TSHR: variants seen among roughly 807,000 people sequenced by gnomAD.
TSHR encodes thyrotropin receptor.
In TSHR, 51 loss-of-function variants were observed where a neutral mutation model predicts 64.1. The observed-to-expected ratio is 0.80, with a 90% confidence interval of 0.64 to 1.01. The LOEUF (loss-of-function observed/expected upper bound fraction) is 1.01. TSHR is among the 50% of genes least tolerant of loss of function. The probability of loss-of-function intolerance (pLI) is 0.00; values close to 1 mark genes in which losing one functional copy is unlikely to be tolerated. For missense variants in TSHR, 877 were observed against 942.8 expected (o/e 0.93, Z 0.91); for synonymous variants, 361 against 361.9 (o/e 1.00, Z 0.03).
intron 1 of TSHR, among the ~76,000 whole-genome samples, chr14:80,986,117 A>G (rs1300214675): frequency 1.3e-5 from 2 of 152,154 alleles, no homozygotes; most frequent in African/African-American, 4.8e-5. Context: ...ATTTCTAGAG[A>G]GTTCAGGTAT....
intron 1 of TSHR, among the ~76,000 whole-genome samples, chr14:81,019,696 G>A (rs749742068): frequency 4.0e-5 from 6 of 151,454 alleles, no homozygotes; most frequent in Admixed American, 2.0e-4. Flanking sequence ...ACTTACGAGT[G>A]AGAACATGCA....
intron 8 of TSHR, among the ~76,000 whole-genome samples, chr14:81,135,604 T>C (rs1325460497): frequency 6.6e-6 from 1 of 152,076 alleles, no homozygotes; most frequent in Non-Finnish European, 1.5e-5. Context: ...CACAATTTCA[T>C]GTTGTTGTAA....
intron 8 of TSHR, among the ~76,000 whole-genome samples, chr14:81,134,600 GC>G (rs1891380904): frequency 6.6e-6 from 1 of 152,102 alleles, no homozygotes; most frequent in Admixed American, 6.5e-5. Flanking sequence ...CTCTCATGAA[GC>G]TAAAATTAAA....
At chr14:81,102,172 A>AG (rs1468677055) in intron 7 of TSHR, among the ~76,000 whole-genome samples, 3 of 143,766 alleles carry the variant, frequency 2.1e-5, no homozygotes, top group South Asian at 2.2e-4. Flanking sequence ...ACTCCATCTC[A>AG]GGGAAAAAAA....
chr14:81,000,720 T>C (rs1465670020), intron 1 of TSHR, among the ~76,000 whole-genome samples: 1 of 152,212 alleles, frequency 6.6e-6, no homozygotes, highest in Non-Finnish European at 1.5e-5. Flanking sequence ...ATCTTCCAGT[T>C]TTGTTTCACT....
chr14:81,074,154 A>G (rs116052163), intron 3 of TSHR, among the ~76,000 whole-genome samples: 2 of 152,206 alleles, frequency 1.3e-5, no homozygotes, highest in South Asian at 2.1e-4. Context: ...AATTAAAAAG[A>G]GAATGAGTTT....
chr14:81,069,106 T>C (rs974031384), intron 3 of TSHR, among the ~76,000 whole-genome samples: 1 of 152,164 alleles, frequency 6.6e-6, no homozygotes, highest in Non-Finnish European at 1.5e-5. Context: ...ACTTAGTATA[T>C]CCTAACATTA....
At chr14:80,966,394 G>T (rs969477321) in intron 1 of TSHR, among the ~76,000 whole-genome samples, 5 of 152,064 alleles carry the variant, frequency 3.3e-5, no homozygotes, top group Non-Finnish European at 7.4e-5. Flanking sequence ...ATGATCCAAA[G>T]ATTTGAGATG....
intron 1 of TSHR, chr14:81,012,116 G>T (rs1889944346): frequency 7.1e-6 from 1 of 139,914 alleles, no homozygotes; most frequent in African/African-American, 2.7e-5. Flanking sequence ...ACAGTCCCCA[G>T]AGTGTGATGT....
At chr14:80,999,158 C>T (rs1417673553) in intron 1 of TSHR, among the ~76,000 whole-genome samples, 2 of 152,152 alleles carry the variant, frequency 1.3e-5, no homozygotes, top group Non-Finnish European at 2.9e-5. Context: ...GTAAGAATCT[C>T]CTATACCTGA....
At chr14:81,058,236 T>C (rs151201924) in intron 1 of TSHR, among the ~76,000 whole-genome samples, 49 of 152,368 alleles carry the variant, frequency 3.2e-4, no homozygotes, top group African/African-American at 1.1e-3. Flanking sequence ...TTCTACATTA[T>C]ATTTTCCTAA....
chr14:81,067,864 G>A lies in TSHR; in HGVS notation c.243-390G>A, dbSNP rs1282682477. Among the ~76,000 whole-genome samples, 10 of 143,938 alleles carry A rather than the reference G, an allele frequency of 6.9e-5. No individual in the cohort carries two copies. In the East Asian group the frequency reaches 8.1e-4, roughly 12 times the overall value. The allele number at this position is 143,938 out of a possible 152,430, so 94.4% of individuals were successfully genotyped here. A position where few individuals can be genotyped will look rare whatever the true frequency, so the allele number is the denominator to read the frequency against. On this transcript the variant is annotated intron_variant, in intron 2 of 9. Coordinates refer to ENST00000298171, the MANE Select transcript of TSHR (RefSeq NM_000369.5). ...TGTCTAGTAACACGGAATTAGACAC[G>A]TAGTTTCAAAGAAGATGAAGAGAAA... is the stretch of plus-strand genomic sequence containing the variant.
At chr14:81,102,266 C>G (rs977143619) in intron 7 of TSHR, among the ~76,000 whole-genome samples, 4 of 152,046 alleles carry the variant, frequency 2.6e-5, no homozygotes, top group African/African-American at 9.7e-5. Context: ...ACGTTCACAC[C>G]AGCTTTCTCC....
rs1891839243 is a variant in TSHR, at chr14:81,144,186, AG to A, written c.2131del (p.Val711PhefsTer18). ...CCAGGCTCAGGCATACCGGGGGCAG[AG>A]GGTTCCTCCAAAGAACAGCACTGAT... ...KRQAQAYRGQ[R>X]VPPKNSTDIQ... On this transcript the variant is annotated frameshift_variant, in exon 10 of 10. Coordinates refer to ENST00000298171, the MANE Select transcript of TSHR (RefSeq NM_000369.5). LOFTEE classifies it high-confidence loss of function. The A allele has an allele frequency of 6.2e-7, 1 of 1,613,952 alleles. No homozygotes were observed. The highest frequency in any genetic ancestry group is 8.5e-7 in the Non-Finnish European group (1 of 1,179,898).
At chr14:81,050,447 GA>G (rs1885371485) in intron 1 of TSHR, 1 of 152,120 alleles carries the variant, frequency 6.6e-6, no homozygotes, top group African/African-American at 2.4e-5. Context: ...CTGCTGAGAA[GA>G]AAAATTGCTC....
chr14:81,061,526 C>T (rs577785591), intron 1 of TSHR, among the ~76,000 whole-genome samples: 9 of 151,938 alleles, frequency 5.9e-5, no homozygotes, highest in Admixed American at 1.3e-4. Flanking sequence ...CATTATCCTC[C>T]GCAAACTAAC....
At chr14:80,990,841 G>T (rs1888691326) in intron 1 of TSHR, among the ~76,000 whole-genome samples, 2 of 152,136 alleles carry the variant, frequency 1.3e-5, no homozygotes, top group Admixed American at 1.3e-4. Context: ...CGTTAGTAGA[G>T]ACGGGGTTTC....
chr14:81,004,891 C>T (rs71416856), intron 1 of TSHR, among the ~76,000 whole-genome samples: 14,027 of 152,216 alleles, frequency 0.092, 851 homozygotes, highest in South Asian at 0.2. Flanking sequence ...AGAAAGTTTC[C>T]ATCCTTGGAT....
chr14:81,132,667 C>A (rs1891296553), intron 8 of TSHR, among the ~76,000 whole-genome samples: 1 of 152,154 alleles, frequency 6.6e-6, no homozygotes, highest in Admixed American at 6.5e-5. Context: ...CGAGTAAATA[C>A]TTGCTAGAGA....
Sources: allele counts gnomAD v4.1 joint callset (sites outside exome capture counted in the v4.1 genomes callset), GRCh38; gene constraint gnomAD v4.1.1; transcripts MANE v1.5; gene names NCBI Gene and HGNC (gene_info 2026-07-23, HGNC 2026-07-21).